NBEA: variants seen among roughly 807,000 people sequenced by gnomAD.
NBEA encodes lysosomal-trafficking regulator 2.
In NBEA, 44 loss-of-function variants were observed where a neutral mutation model predicts 343.4. The observed-to-expected ratio is 0.13, with a 90% CI of 0.10 to 0.16. NBEA has a LOEUF of 0.16. Ranked by LOEUF, NBEA falls within the 10% of genes least tolerant of loss-of-function variation. The pLI is 1.00. For missense variants in NBEA, 2,555 were observed against 3,631.3 expected (o/e 0.70, Z 7.62); for synonymous variants, 1,175 against 1,238.7 (o/e 0.95, Z 1.08).
chr13:35,639,758 G>A (rs1041651661), intron 49 of NBEA, among the ~76,000 whole-genome samples: 2 of 152,108 alleles, frequency 1.3e-5, no homozygotes, highest in Non-Finnish European at 2.9e-5. Context: ...TTGATATTTT[G>A]CATTGTGGGT....
At chr13:35,176,009 A>G (rs559950306) in intron 27 of NBEA, among the ~76,000 whole-genome samples, 74 of 152,202 alleles carry the variant, frequency 4.9e-4, no homozygotes, top group Non-Finnish European at 9.3e-4. Context: ...TAAATTATGT[A>G]TTATTTTCTT....
chr13:35,373,026 A>G (rs2041531372), intron 38 of NBEA, among the ~76,000 whole-genome samples: 1 of 152,128 alleles, frequency 6.6e-6, no homozygotes, highest in African/African-American at 2.4e-5. Context: ...AGAGCCTCCA[A>G]GGGCCAAGGG....
intron 34 of NBEA, among the ~76,000 whole-genome samples, chr13:35,288,116 A>C (rs546204176): frequency 6.6e-6 from 1 of 152,146 alleles, no homozygotes; most frequent in African/African-American, 2.4e-5. Context: ...TGCCACATAC[A>C]AAAAGGATAC....
At chr13:35,506,961 TC>T (rs2077093023) in intron 41 of NBEA, among the ~76,000 whole-genome samples, 2 of 152,168 alleles carry the variant, frequency 1.3e-5, no homozygotes, top group Admixed American at 6.5e-5. Context: ...TGTTAATTTT[TC>T]CCCTTCTGGC....
chr13:35,606,650 G>A, intron 48 of NBEA, 72 bp downstream of exon 48: 2 of 1,254,880 alleles, frequency 1.6e-6, no homozygotes, highest in Non-Finnish European at 2.1e-6. Flanking sequence ...GTTTTGTCCT[G>A]TTCTTTACTA....
chr13:35,584,861 T>C (rs911416200), intron 46 of NBEA, among the ~76,000 whole-genome samples: 3 of 151,474 alleles, frequency 2.0e-5, no homozygotes, highest in African/African-American at 7.3e-5. Context: ...TCACTTTTGT[T>C]CTCCTGGGCT....
intron 49 of NBEA, among the ~76,000 whole-genome samples, chr13:35,639,477 C>T (rs2083839039): frequency 6.6e-6 from 1 of 151,622 alleles, no homozygotes; most frequent in Non-Finnish European, 1.5e-5. Context: ...TATTTTTTTC[C>T]TATTTGGCAT....
chr13:34,991,460 G>A (rs1296709555), intron 1 of NBEA, among the ~76,000 whole-genome samples: 2 of 152,122 alleles, frequency 1.3e-5, no homozygotes, highest in African/African-American at 4.8e-5. Context: ...GGAGTGAAAG[G>A]GGAAGTGCTA....
intron 41 of NBEA, among the ~76,000 whole-genome samples, chr13:35,525,540 C>A (rs535522474): frequency 6.6e-6 from 1 of 151,914 alleles, no homozygotes. Flanking sequence ...ATGACAGGAG[C>A]AAGATTCCAT....
intron 32 of NBEA, among the ~76,000 whole-genome samples, chr13:35,210,061 A>G (rs1370452826): frequency 3.3e-5 from 5 of 152,240 alleles, no homozygotes; most frequent in Middle Eastern, 3.4e-3. Flanking sequence ...TAAAGGTTTT[A>G]AAAATATGAA....
intron 34 of NBEA, among the ~76,000 whole-genome samples, chr13:35,240,672 A>T (rs888179951): frequency 2.6e-5 from 4 of 151,870 alleles, no homozygotes; most frequent in Non-Finnish European, 5.9e-5. Context: ...TAATTTCAAA[A>T]ATCACCAAAA....
chr13:35,425,815 A>T (rs1004154750), intron 38 of NBEA, among the ~76,000 whole-genome samples: 4 of 152,158 alleles, frequency 2.6e-5, no homozygotes, highest in African/African-American at 9.7e-5. Context: ...GACTTGCTTT[A>T]TGAATCTGGG....
intron 34 of NBEA, among the ~76,000 whole-genome samples, chr13:35,244,447 T>C (rs1456637734): frequency 2.6e-5 from 4 of 152,024 alleles, no homozygotes; most frequent in Admixed American, 6.6e-5. Flanking sequence ...CCTTTCTGGG[T>C]TCTCTATTCT....
intron 6 of NBEA, 131 bp downstream of exon 6, chr13:35,050,526 G>A (rs758782573): frequency 5.4e-5 from 53 of 974,518 alleles, no homozygotes; most frequent in Non-Finnish European, 7.5e-5. Context: ...ATCCTTGTCT[G>A]CATTTCCTTT....
chr13:35,308,458 A>ATATATATATATATATATATG (rs1566596919), intron 35 of NBEA, among the ~76,000 whole-genome samples: 10 of 118,438 alleles, frequency 8.4e-5, no homozygotes, highest in African/African-American at 3.7e-4. Context: ...ATATATATAT[A>ATATATATATATATATATATG]TATATATATA....
At chr13:35,264,272 T>G (rs986605049) in intron 34 of NBEA, among the ~76,000 whole-genome samples, 1 of 151,782 alleles carries the variant, frequency 6.6e-6, no homozygotes, top group Non-Finnish European at 1.5e-5. Context: ...ATAAAACATC[T>G]CCTATCAAAG....
At chr13:35,432,926 TATG>T (rs2045215799) in intron 39 of NBEA, among the ~76,000 whole-genome samples, 1 of 152,074 alleles carries the variant, frequency 6.6e-6, no homozygotes, top group Admixed American at 6.6e-5. Flanking sequence ...AACCTCTTTA[TATG>T]ATATTTTGTT....
chr13:35,048,755 G>C, intron 5 of NBEA, 71 bp downstream of exon 5: 2 of 856,790 alleles, frequency 2.3e-6, no homozygotes, highest in Non-Finnish European at 1.8e-6. Flanking sequence ...TAGTCTCAAG[G>C]CAACTTAGAT....
chr13:35,190,900 A>G (rs1422709636), intron 30 of NBEA, among the ~76,000 whole-genome samples: 2 of 152,158 alleles, frequency 1.3e-5, no homozygotes, highest in African/African-American at 4.8e-5. Context: ...AACTAAAGGT[A>G]TAAGAGCGAT....
Sources: gnomAD v4.1 joint callset for allele counts (sites outside exome capture counted in the v4.1 genomes callset) on GRCh38, gnomAD v4.1.1 for gene constraint, MANE v1.5 for transcripts, NCBI Gene and HGNC (gene_info 2026-07-23, HGNC 2026-07-21) for gene names.